Variants in KIRREL3 observed in about 807,000 individuals in gnomAD.
The protein encoded by KIRREL3 is kin of IRRE-like protein 3.
KIRREL3 carries 36 observed loss-of-function variants against 89.7 expected under a neutral mutation model. The ratio of observed to expected loss-of-function variants is 0.40; its 90% CI spans 0.31 to 0.53. The LOEUF is 0.53. KIRREL3 is among the 20% of genes least tolerant of loss of function. KIRREL3 has a pLI of 0.49. For synonymous variants in KIRREL3, 445 were observed against 441.4 expected (o/e 1.01, Z -0.10); for missense variants, 864 against 1,056.6 (o/e 0.82, Z 2.53).
intron 1 of KIRREL3, among the ~76,000 whole-genome samples, chr11:126,928,494 G>A (rs902777470): frequency 1.3e-5 from 2 of 152,230 alleles, no homozygotes; most frequent in African/African-American, 4.8e-5. Context: ...ATTAGTGTAG[G>A]GAATGAACTT....
intron 1 of KIRREL3, among the ~76,000 whole-genome samples, chr11:126,826,423 AT>A (rs1248349777): frequency 3.3e-5 from 5 of 151,972 alleles, no homozygotes; most frequent in African/African-American, 9.6e-5. Context: ...ATCATCAGCT[AT>A]TTTTTTTATT....
intron 1 of KIRREL3, among the ~76,000 whole-genome samples, chr11:126,857,113 T>C (rs1464797246): frequency 2.6e-5 from 4 of 152,208 alleles, no homozygotes; most frequent in Admixed American, 6.5e-5. Context: ...AACTTTATGG[T>C]AGACATATTG....
rs1943559712 is a variant in KIRREL3, at chr11:126,830,174, A to G, written c.55+170281T>C. 1.3e-5 allele frequency among the ~76,000 whole-genome samples: 2 copies of G among 151,892 alleles called. No individual in the cohort carries two copies. The highest frequency in any genetic ancestry group is 1.3e-4 in the Admixed American group (2 of 15,252). The stretch of plus-strand genomic sequence containing the variant: ...CCTGGAAGTTGTTCATGAATGAACA[A>G]CCCTTGCTAATCACTCTGGTCAATA... On this transcript the variant is annotated intron_variant, in intron 1 of 16. Transcript: ENST00000525144. This position sits in a 1 kb window ranked among gnomAD's most constrained non-coding sequence, Gnocchi z 4.9.
chr11:126,917,922 G>A lies in KIRREL3; in HGVS notation c.55+82533C>T, dbSNP rs1042066638. On this transcript the variant is annotated intron_variant, in intron 1 of 16. Transcript: ENST00000525144. The surrounding 1 kb of genome is among the most constrained non-coding windows in gnomAD (Gnocchi z 5.0). ...TAATTGTTGAACTCGATTTCACTTG[G>A]TGTGTGATGACACATCTTACAGTGA... is the stretch of plus-strand genomic sequence containing the variant. 6.6e-6 allele frequency among the ~76,000 whole-genome samples: 1 copy of A among 152,166 alleles called. No homozygotes were observed. Among genetic ancestry groups the A allele is most frequent in the Admixed American group, 6.5e-5 (1 of 15,282 alleles).
Position 126,535,782 on chromosome 11 carries a change from C to T in KIRREL3, c.134-9095G>A, listed in dbSNP as rs1266210649. On this transcript the variant is annotated intron_variant, in intron 2 of 16. Coordinates refer to ENST00000525144, the MANE Select transcript of KIRREL3 (RefSeq NM_032531.4). This position sits in a 1 kb window ranked among gnomAD's most constrained non-coding sequence, Gnocchi z 4.5. ...GGTGGATCACCTGAGGTCAGGGGTT[C>T]GAGACCAGCCTGACCAACATGGTGA... Among the ~76,000 whole-genome samples, 1 of 152,128 alleles carries T rather than the reference C, an allele frequency of 6.6e-6. No homozygotes were observed. Among genetic ancestry groups the T allele is most frequent in the African/African-American group, 2.4e-5 (1 of 41,432 alleles).
At position 126,644,181 on chromosome 11, in the gene KIRREL3, C is replaced by T. The variant is rs147495633; in HGVS notation, c.56-81269G>A. ...CTAGCATGGTAGATTGAAGTAGATC[C>T]AGTGTATAGTGGGCTATGAGAACTG... On this transcript the variant is annotated intron_variant, in intron 1 of 16. Coordinates refer to ENST00000525144, the MANE Select transcript of KIRREL3 (RefSeq NM_032531.4). 7.0e-4 allele frequency among the ~76,000 whole-genome samples: 107 copies of T among 152,276 alleles called. 1 individual carries two copies. Among genetic ancestry groups the T allele is most frequent in the African/African-American group, 2.5e-3 (103 of 41,546 alleles).
intron 10 of KIRREL3, among the ~76,000 whole-genome samples, chr11:126,442,744 T>C (rs1955630076): frequency 6.6e-6 from 1 of 152,266 alleles, no homozygotes; most frequent in Non-Finnish European, 1.5e-5. Context: ...GTTCGCCCCC[T>C]GGCAGGTCTG....
Position 126,516,985 on chromosome 11 carries a change from G to A in KIRREL3, c.433+4330C>T, listed in dbSNP as rs1273004486. Among the ~76,000 whole-genome samples, 1 of 152,132 alleles carries A rather than the reference G, an allele frequency of 6.6e-6. No individual in the cohort carries two copies. Among genetic ancestry groups the A allele is most frequent in the Non-Finnish European group, 1.5e-5 (1 of 68,020 alleles). ...CCAGCTACTCAGGAGGCTGGAGCAG[G>A]AGGACCCAGAAGGCGGAGGTTGCGG... On this transcript the variant is annotated intron_variant, in intron 4 of 16. Coordinates refer to ENST00000525144, the MANE Select transcript of KIRREL3 (RefSeq NM_032531.4). This position sits in a 1 kb window ranked among gnomAD's most constrained non-coding sequence, Gnocchi z 4.9.
In KIRREL3 at chr11:126,896,609, A is replaced by G. The variant is rs1946168062; in HGVS notation, c.55+103846T>C. On this transcript the variant is annotated intron_variant, in intron 1 of 16. Transcript: ENST00000525144. The surrounding 1 kb of genome is among the most constrained non-coding windows in gnomAD (Gnocchi z 4.1). ...TGTGTAGAGAACGTGGGGCCTGTCCATGGGCTTCAGTGCCCACCATGCAGT... is the reference window on the plus strand; with the variant it reads ...TGTGTAGAGAACGTGGGGCCTGTCCGTGGGCTTCAGTGCCCACCATGCAGT... Among the ~76,000 whole-genome samples, 1 of 148,770 alleles carries G rather than the reference A, an allele frequency of 6.7e-6. No homozygotes were observed. Among genetic ancestry groups the G allele is most frequent in the South Asian group, 2.1e-4 (1 of 4,688 alleles).
rs1171728260 is a variant in KIRREL3 at position 126,995,924 on chromosome 11, G to T, written c.55+4531C>A. Among the ~76,000 whole-genome samples the T allele has an allele frequency of 6.6e-6, 1 of 152,106 alleles. No homozygotes were observed. Among genetic ancestry groups the T allele is most frequent in the African/African-American group, 2.4e-5 (1 of 41,424 alleles). On this transcript the variant is annotated intron_variant, in intron 1 of 16. Transcript: ENST00000525144. This position sits in a 1 kb window ranked among gnomAD's most constrained non-coding sequence, Gnocchi z 6.5. ...AGGCAGGGCTGCTTCTTGGTACCAT[G>T]CCTAGCTTGCCGCTGCCTGTTCCAA...
At chr11:126,826,216 T>G (rs1363281031) in intron 1 of KIRREL3, among the ~76,000 whole-genome samples, 1 of 152,186 alleles carries the variant, frequency 6.6e-6, no homozygotes, top group Non-Finnish European at 1.5e-5. Context: ...AGTGCACACA[T>G]GGGACAGAAT....
At chr11:126,680,633 A>G (rs1946411635) in intron 1 of KIRREL3, among the ~76,000 whole-genome samples, 1 of 152,096 alleles carries the variant, frequency 6.6e-6, no homozygotes, top group African/African-American at 2.4e-5. Flanking sequence ...ATCTGGAGTA[A>G]TTGCCTTAAC....
rs1428789043 is a variant in KIRREL3, at chr11:126,778,950, T to C, written c.56-216038A>G. Among the ~76,000 whole-genome samples, 1 of 152,130 alleles carries C rather than the reference T, an allele frequency of 6.6e-6. No individual in the cohort carries two copies. The highest frequency in any genetic ancestry group is 1.5e-5 in the Non-Finnish European group (1 of 68,020). On this transcript the variant is annotated intron_variant, in intron 1 of 16. Coordinates refer to ENST00000525144, the MANE Select transcript of KIRREL3 (RefSeq NM_032531.4). The surrounding 1 kb of genome is among the most constrained non-coding windows in gnomAD (Gnocchi z 4.5). ...CTGAACACACACACAAGGTAATACA[T>C]GTAAGAGCACCTAGCGCGGAACTTG...
At chr11:126,440,396 G>A (rs1955514217) in intron 11 of KIRREL3, 53 bp downstream of exon 11, 5 of 1,507,346 alleles carry the variant, frequency 3.3e-6, no homozygotes, top group Non-Finnish European at 3.6e-6. Context: ...ATTGGCAAAA[G>A]TGACTGTTGG....
chr11:126,987,898 C>T lies in KIRREL3; in HGVS notation c.55+12557G>A, dbSNP rs898952293. Among the ~76,000 whole-genome samples, 1 of 152,154 alleles carries T rather than the reference C, an allele frequency of 6.6e-6. No individual in the cohort carries two copies. The highest frequency in any genetic ancestry group is 6.5e-5 in the Admixed American group (1 of 15,278). On this transcript the variant is annotated intron_variant, in intron 1 of 16. Transcript: ENST00000525144. This position sits in a 1 kb window ranked among gnomAD's most constrained non-coding sequence, Gnocchi z 4.6. ...CCATCTTCTAAAATGATTTCTGACA[C>T]AAGGTAAGTTGTACCAGCCGAGACC...
chr11:126,507,898 G>C (rs1319789349), intron 4 of KIRREL3, among the ~76,000 whole-genome samples: 1 of 152,216 alleles, frequency 6.6e-6, no homozygotes, highest in Non-Finnish European at 1.5e-5. Flanking sequence ...CCTTGCCCAT[G>C]CCTCGTGCTG....
chr11:126,775,383 A>T (rs1022067336), intron 1 of KIRREL3, among the ~76,000 whole-genome samples: 2 of 152,168 alleles, frequency 1.3e-5, no homozygotes, highest in Non-Finnish European at 2.9e-5. Flanking sequence ...CAATAAAGCA[A>T]ATTTTGCGGA....
chr11:126,449,477 G>A (rs181980494), intron 7 of KIRREL3, among the ~76,000 whole-genome samples: 3 of 152,338 alleles, frequency 2.0e-5, no homozygotes, highest in African/African-American at 7.2e-5. Context: ...CTGGCTAGAC[G>A]ATGGAAAATC....
At chr11:126,794,566 T>A (rs1950745226) in intron 1 of KIRREL3, among the ~76,000 whole-genome samples, 1 of 152,266 alleles carries the variant, frequency 6.6e-6, no homozygotes, top group African/African-American at 2.4e-5. Flanking sequence ...TGATTTGTAT[T>A]ACAAAAATAT....
Sources: gnomAD v4.1 joint callset for allele counts (sites outside exome capture counted in the v4.1 genomes callset) on GRCh38, gnomAD v4.1.1 for gene constraint, Gnocchi (gnomAD v3.1) non-coding constraint, MANE v1.5 for transcripts, NCBI Gene and HGNC (gene_info 2026-07-23, HGNC 2026-07-21) for gene names.